Variants in THSD4 observed in about 807,000 individuals in gnomAD.
THSD4 encodes thrombospondin type-1 domain-containing protein 4.
Under a neutral mutation model 119.0 loss-of-function variants are expected in THSD4, and 69 were observed. That is an observed-to-expected ratio of 0.58 (90% CI 0.48 to 0.71). The LOEUF (loss-of-function observed/expected upper bound fraction) is 0.71, where lower values mean the gene tolerates loss of function less well. Ranked by LOEUF, THSD4 falls within the 30% of genes least tolerant of loss-of-function variation. The pLI is 0.00. For missense variants in THSD4, 1,393 were observed against 1,391.1 expected, an observed-to-expected ratio of 1.00 and a Z score of -0.02; for synonymous variants, 524 against 540.4, an observed-to-expected ratio of 0.97 and a Z score of 0.42.
At chr15:71,535,695 G>A (rs1161987422) in intron 7 of THSD4, among the ~76,000 whole-genome samples, 1 of 152,156 alleles carries the variant, frequency 6.6e-6, no homozygotes, top group Non-Finnish European at 1.5e-5. Flanking sequence ...TTGATGTTGA[G>A]CATCTTTTTC....
At chr15:71,763,154 A>G (rs73432450) in intron 15 of THSD4, among the ~76,000 whole-genome samples, 20,073 of 152,182 alleles carry the variant, frequency 0.13, 2,655 homozygotes, top group African/African-American at 0.33. Flanking sequence ...TAGACAAAGC[A>G]GAAACTGATG....
intron 8 of THSD4, among the ~76,000 whole-genome samples, chr15:71,678,462 C>T (rs1296097632): frequency 6.6e-6 from 1 of 152,204 alleles, no homozygotes; most frequent in Non-Finnish European, 1.5e-5. Context: ...AACCTGCCTT[C>T]TAAGATTGCC....
chr15:71,220,773 G>C (rs148732549), intron 4 of THSD4, among the ~76,000 whole-genome samples: 1 of 152,162 alleles, frequency 6.6e-6, no homozygotes, highest in South Asian at 2.1e-4. Flanking sequence ...CTGAGCTCCC[G>C]TCCAGATGGG....
At chr15:71,112,167 G>T, upstream of THSD4, 2 of 1,613,716 alleles carry the variant, frequency 1.2e-6, no homozygotes, top group South Asian at 2.2e-5. Flanking sequence ...ACGCTGTGCT[G>T]CAGGCTGGGA....
chr15:71,448,418 G>T (rs922828616), intron 7 of THSD4, among the ~76,000 whole-genome samples: 1 of 152,172 alleles, frequency 6.6e-6, no homozygotes, highest in Non-Finnish European at 1.5e-5. Flanking sequence ...TGATCTTGAG[G>T]TAATAGATAT....
At position 71,498,287 on chromosome 15, in the gene THSD4, C is replaced by T. The variant is rs564816545; in HGVS notation, c.1152+86464C>T. Among the ~76,000 whole-genome samples the T allele has an allele frequency of 8.5e-5, 13 of 152,248 alleles. No individual in the cohort carries two copies. In the East Asian group the frequency reaches 2.1e-3, roughly 25 times the overall value. ...CCTCTTGAGAAAGCTGATTATTTCT[C>T]GCCTAATTAAATGCTAACATTTTAG... On this transcript the variant is annotated intron_variant, in intron 7 of 17. Transcript: ENST00000261862.
At chr15:71,353,888 C>T (rs1168963432) in intron 6 of THSD4, among the ~76,000 whole-genome samples, 1 of 152,134 alleles carries the variant, frequency 6.6e-6, no homozygotes, top group African/African-American at 2.4e-5. Flanking sequence ...AATATGGGAA[C>T]AGATAAGGTT....
At chr15:71,158,850 C>A (rs565124917) in intron 3 of THSD4, among the ~76,000 whole-genome samples, 362 of 152,232 alleles carry the variant, frequency 2.4e-3, no homozygotes, top group Non-Finnish European at 4.3e-3. Flanking sequence ...ATTTGTTTAT[C>A]TTTGCTTTTG....
At chr15:71,375,559 T>C (rs1211934313) in intron 6 of THSD4, among the ~76,000 whole-genome samples, 1 of 152,170 alleles carries the variant, frequency 6.6e-6, no homozygotes, top group East Asian at 1.9e-4. Context: ...GCACAATACA[T>C]GTTTGTTGAC....
intron 1 of THSD4, among the ~76,000 whole-genome samples, chr15:71,102,506 T>G (rs767117462): frequency 6.6e-6 from 1 of 152,224 alleles, no homozygotes; most frequent in Non-Finnish European, 1.5e-5. Flanking sequence ...ATCTGAAATT[T>G]AAGTTAGTGT....
chr15:71,328,040 A>G (rs1298211882), intron 6 of THSD4, among the ~76,000 whole-genome samples: 2 of 152,210 alleles, frequency 1.3e-5, no homozygotes, highest in South Asian at 2.1e-4. Flanking sequence ...CTCCATTACA[A>G]TAGGCCGTGT....
intron 11 of THSD4, among the ~76,000 whole-genome samples, chr15:71,740,515 C>G (rs561986083): frequency 6.6e-6 from 1 of 152,082 alleles, no homozygotes; most frequent in Non-Finnish European, 1.5e-5. Context: ...TCACCCTGTC[C>G]GGAGCCCATA....
At chr15:71,371,664 G>A (rs2046051561) in intron 6 of THSD4, among the ~76,000 whole-genome samples, 1 of 152,182 alleles carries the variant, frequency 6.6e-6, no homozygotes, top group African/African-American at 2.4e-5. Context: ...AGTCTGATGG[G>A]CTTCCCTTTG....
chr15:71,694,019 A>G (rs371850391), intron 8 of THSD4, among the ~76,000 whole-genome samples: 6 of 151,992 alleles, frequency 3.9e-5, no homozygotes, highest in African/African-American at 1.4e-4. Flanking sequence ...TGTCTCAAAA[A>G]AAAAAAAGAA....
At chr15:71,494,218 A>C (rs1475506828) in intron 7 of THSD4, among the ~76,000 whole-genome samples, 1 of 152,216 alleles carries the variant, frequency 6.6e-6, no homozygotes, top group Non-Finnish European at 1.5e-5. Flanking sequence ...GTATTTGCAA[A>C]CTGAGCATCT....
intron 3 of THSD4, among the ~76,000 whole-genome samples, chr15:71,161,115 A>T (rs1015379952): frequency 6.6e-6 from 1 of 152,114 alleles, no homozygotes; most frequent in African/African-American, 2.4e-5. Flanking sequence ...GAATGAAAAG[A>T]TACATGTTAC....
At chr15:71,097,728 ATT>A (rs398027839) in intron 1 of THSD4, among the ~76,000 whole-genome samples, 40,364 of 140,060 alleles carry the variant, frequency 0.29, 5,922 homozygotes, top group East Asian at 0.54. Context: ...ATATATATAT[ATT>A]TTTTTTTTTA....
chr15:71,547,317 A>G (rs1323905395), intron 7 of THSD4: 3 of 1,532,234 alleles, frequency 2.0e-6, no homozygotes, highest in Non-Finnish European at 2.6e-6. Context: ...GCGGAACTCC[A>G]GGGCTGGAAT....
chr15:71,243,007 G>A lies in THSD4; in HGVS notation c.823G>A (p.Gly275Arg). 1 of 1,614,194 alleles carries A rather than the reference G, an allele frequency of 6.2e-7. No individual in the cohort carries two copies. The highest frequency in any genetic ancestry group is 8.5e-7 in the Non-Finnish European group (1 of 1,180,036). ...TSNNHGVGTH[G>R]ATQSFSQPAR... is the part of the protein sequence containing the mutation. ...CAACAACCACGGTGTGGGGACCCAT[G>A]GGGCAACTCAGAGCTTCTCTCAGCC... The change falls in exon 5 of 18, where the codon GGG (glycine) becomes AGG (arginine). Residue 275 changes from glycine to arginine, a missense_variant. Transcript: ENST00000261862.
Sources: gnomAD v4.1 joint callset for allele counts (sites outside exome capture counted in the v4.1 genomes callset) on GRCh38, gnomAD v4.1.1 for gene constraint, MANE v1.5 for transcripts, NCBI Gene and HGNC (gene_info 2026-07-23, HGNC 2026-07-21) for gene names.